PDXDC1: variants seen among roughly 807,000 people sequenced by gnomAD.
The protein encoded by PDXDC1 is pyridoxal-dependent decarboxylase domain-containing protein 1.
PDXDC1 carries 42 observed loss-of-function variants against 100.1 expected under a neutral mutation model. The observed-to-expected ratio is 0.42, with a 90% CI of 0.33 to 0.54. PDXDC1 has a LOEUF of 0.54. Ranked by LOEUF, PDXDC1 falls within the 20% of genes least tolerant of loss-of-function variation. The pLI is 0.10. For missense variants in PDXDC1, 636 were observed against 979.2 expected (o/e 0.65, Z 4.68); for synonymous variants, 260 against 371.7 (o/e 0.70, Z 3.46).
At chr16:15,034,170 A>G (rs2043248724) in intron 19 of PDXDC1, 116 bp from the exon 20 acceptor site, 2 of 815,796 alleles carry the variant, frequency 2.5e-6, no homozygotes, top group Non-Finnish European at 4.0e-6. Flanking sequence ...CCGGCTTTTC[A>G]ATGCAGGATT....
chr16:14,978,673 G>A (rs1967257552), intron 1 of PDXDC1, among the ~76,000 whole-genome samples: 1 of 152,292 alleles, frequency 6.6e-6, no homozygotes, highest in African/African-American at 2.4e-5. Context: ...GGGATTATAA[G>A]CGTGAGCCAC....
intron 13 of PDXDC1, among the ~76,000 whole-genome samples, chr16:15,025,013 C>G (rs184757670): frequency 2.1e-3 from 321 of 152,428 alleles, no homozygotes; most frequent in African/African-American, 7.4e-3. Flanking sequence ...GCTCCCATCC[C>G]CTGCCACTCA....
At chr16:15,092,684 T>A (rs2046184649) in intron 16 of PDXDC1, 1 of 1,027,628 alleles carries the variant, frequency 9.7e-7, no homozygotes, top group Non-Finnish European at 1.5e-6. Context: ...CAACATTTAT[T>A]GAACCAACAT....
downstream of PDXDC1, among the ~76,000 whole-genome samples, chr16:15,140,519 A>T (rs561732716): frequency 1.3e-5 from 2 of 152,072 alleles, no homozygotes; most frequent in African/African-American, 4.8e-5. Context: ...AAAACTCCAA[A>T]AACAAAAAAA....
At chr16:15,044,437 CAGA>C (rs1313546995) in intron 16 of PDXDC1, 10 of 1,449,630 alleles carry the variant, frequency 6.9e-6, no homozygotes, top group East Asian at 2.3e-5. Context: ...GGTCAGAGGC[CAGA>C]AGAAGACACC....
intron 16 of PDXDC1, among the ~76,000 whole-genome samples, chr16:15,072,297 T>A (rs1009230454): frequency 3.3e-5 from 5 of 151,576 alleles, no homozygotes; most frequent in African/African-American, 1.2e-4. Context: ...CTAAAGTTTT[T>A]AAAATTCTAG....
chr16:15,028,322 T>C (rs1172259889), intron 14 of PDXDC1, among the ~76,000 whole-genome samples: 4 of 152,300 alleles, frequency 2.6e-5, no homozygotes, highest in African/African-American at 9.6e-5. Context: ...ATCCACATCC[T>C]CAGCCTTCCC....
intron 16 of PDXDC1, chr16:15,125,387 T>C (rs2047653730): frequency 1.4e-6 from 1 of 739,190 alleles, no homozygotes; most frequent in Non-Finnish European, 2.3e-6. Context: ...CCCACCCCCG[T>C]CCAGTCACGC....
At chr16:15,051,776 C>G (rs1420126781) in intron 16 of PDXDC1, among the ~76,000 whole-genome samples, 5 of 143,704 alleles carry the variant, frequency 3.5e-5, no homozygotes, top group Non-Finnish European at 3.0e-5. Context: ...TCATAGCTCA[C>G]TGCAACCTCA....
At chr16:15,144,273 T>A (rs371852527), downstream of PDXDC1, among the ~76,000 whole-genome samples, 3 of 152,204 alleles carry the variant, frequency 2.0e-5, no homozygotes, top group African/African-American at 4.8e-5. Flanking sequence ...CCATGACCTC[T>A]TCTGTTTCCC....
chr16:15,073,116 G>A (rs1191373299), intron 16 of PDXDC1: 1 of 1,596,540 alleles, frequency 6.3e-7, no homozygotes, highest in Non-Finnish European at 8.5e-7. Flanking sequence ...TTTTTATAAA[G>A]ACATATTTTC....
chr16:15,131,424 G>A (rs1343030659), intron 16 of PDXDC1: 12 of 1,608,032 alleles, frequency 7.5e-6, no homozygotes, highest in Non-Finnish European at 1.0e-5. Flanking sequence ...GGTTAGCCGG[G>A]GCCCTGCTGA....
chr16:15,128,212 C>T, intron 16 of PDXDC1: 2 of 1,611,136 alleles, frequency 1.2e-6, no homozygotes, highest in Non-Finnish European at 1.7e-6. Context: ...TTGGCAGGGT[C>T]CGCACAGACC....
At chr16:15,068,438 A>G (rs1180464177) in intron 16 of PDXDC1, among the ~76,000 whole-genome samples, 1 of 152,226 alleles carries the variant, frequency 6.6e-6, no homozygotes, top group Non-Finnish European at 1.5e-5. Context: ...CACACAGTAT[A>G]TGGCCCAGAA....
chr16:15,146,195 A>ATTTT, the PDXDC1 span, among the ~76,000 whole-genome samples: 2 of 152,124 alleles, frequency 1.3e-5, no homozygotes, highest in Non-Finnish European at 2.9e-5. Flanking sequence ...CTCCAGCAGG[A>ATTTT]GGCCCTCACA....
In PDXDC1 at chr16:15,036,220, T is replaced by C; in HGVS notation, c.2312T>C (p.Val771Ala). The C allele has an allele frequency of 6.2e-7, 1 of 1,613,822 alleles. No homozygotes were observed. Among genetic ancestry groups the C allele is most frequent in the Non-Finnish European group, 8.5e-7 (1 of 1,179,900 alleles). ...TDQTEAFQKG[V>A]PHPEDDHSQV... ...CAGACCGAGGCCTTCCAGAAAGGGG[T>C]CCCACACCCAGAAGATGACCACTCA... Residue 771 changes from valine (V) to alanine (A), a missense_variant, in exon 23 of 23, where the codon GTC (valine) becomes GCC (alanine). Physicochemically the swap from Val to Ala is moderately conservative, Grantham distance 64. This residue lies in a region of PDXDC1 where 452 missense variants were observed against 402.9 expected (regional missense o/e 1.12). Coordinates refer to ENST00000396410, the MANE Select transcript of PDXDC1 (RefSeq NM_015027.4).
At chr16:15,005,283 C>T (rs1454678115) in intron 5 of PDXDC1, among the ~76,000 whole-genome samples, 13 of 139,064 alleles carry the variant, frequency 9.3e-5, no homozygotes, top group South Asian at 6.7e-4. Context: ...CCAGCCTGGG[C>T]GACAGAGTGA....
intron 8 of PDXDC1, among the ~76,000 whole-genome samples, chr16:15,011,372 C>A (rs1203456209): frequency 3.9e-5 from 6 of 152,286 alleles, no homozygotes; most frequent in Admixed American, 1.3e-4. Context: ...TGAATCTTAA[C>A]CCTTATCTTA....
intron 16 of PDXDC1, among the ~76,000 whole-genome samples, chr16:15,063,895 G>C (rs1370935866): frequency 6.6e-6 from 1 of 152,038 alleles, no homozygotes; most frequent in Non-Finnish European, 1.5e-5. Context: ...AAGTCAGTTA[G>C]ATACAGTATA....
Sources: allele counts gnomAD v4.1 joint callset (sites outside exome capture counted in the v4.1 genomes callset), GRCh38; gene constraint gnomAD v4.1.1; regional missense constraint gnomAD v4.1.1; transcripts MANE v1.5; gene names NCBI Gene and HGNC (gene_info 2026-07-23, HGNC 2026-07-21).